Variants in CNTNAP2 observed in about 807,000 individuals in gnomAD.
CNTNAP2 encodes the protein contactin associated protein 2.
In CNTNAP2, 98 loss-of-function variants were observed where a neutral mutation model predicts 155.2. That is an observed-to-expected ratio of 0.63 (90% confidence interval 0.54 to 0.75). CNTNAP2 has a LOEUF of 0.75. CNTNAP2 is among the 30% of genes least tolerant of loss of function. The probability of loss-of-function intolerance (pLI) is 0.00; values close to 1 mark genes in which losing one functional copy is unlikely to be tolerated. For missense variants in CNTNAP2, 1,727 were observed against 1,688.1 expected, an observed-to-expected ratio of 1.02 and a Z score of -0.40; for synonymous variants, 651 against 631.2, an observed-to-expected ratio of 1.03 and a Z score of -0.47.
At chr7:147,830,305 AT>A (rs1352354216) in intron 13 of CNTNAP2, among the ~76,000 whole-genome samples, 1 of 151,920 alleles carries the variant, frequency 6.6e-6, no homozygotes, top group Non-Finnish European at 1.5e-5. Context: ...CTGTTCATAG[AT>A]GGCTCTTTCT....
At chr7:146,288,793 ATTTTTTTTTTTT>A (rs757136036) in intron 1 of CNTNAP2, among the ~76,000 whole-genome samples, 33 of 100,014 alleles carry the variant, frequency 3.3e-4, no homozygotes, top group African/African-American at 3.2e-4. Context: ...AAAATTAGTA[ATTTTTTTTTTTT>A]TTTTTTTTTT....
intron 1 of CNTNAP2, among the ~76,000 whole-genome samples, chr7:146,635,678 T>A (rs915029521): frequency 3.9e-5 from 6 of 152,166 alleles, no homozygotes; most frequent in African/African-American, 1.4e-4. Flanking sequence ...AAAGCCCGTA[T>A]GCTCCAGGAA....
chr7:147,461,220 A>G (rs1250249557), intron 10 of CNTNAP2, among the ~76,000 whole-genome samples: 2 of 152,240 alleles, frequency 1.3e-5, no homozygotes, highest in Non-Finnish European at 2.9e-5. Context: ...ATATTTGCCA[A>G]TAAACTCAAG....
chr7:146,382,924 T>C (rs1584899232), intron 1 of CNTNAP2, among the ~76,000 whole-genome samples: 1 of 152,144 alleles, frequency 6.6e-6, no homozygotes, highest in African/African-American at 2.4e-5. Context: ...CTTTGAAAAT[T>C]AACTCCCAAT....
At chr7:146,569,412 T>A (rs535431436) in intron 1 of CNTNAP2, among the ~76,000 whole-genome samples, 1 of 152,340 alleles carries the variant, frequency 6.6e-6, no homozygotes, top group East Asian at 1.9e-4. Context: ...CCATGCCCAA[T>A]TACATATATT....
intron 14 of CNTNAP2, among the ~76,000 whole-genome samples, chr7:147,959,093 T>C (rs1031650846): frequency 3.3e-5 from 5 of 152,204 alleles, no homozygotes; most frequent in African/African-American, 1.2e-4. Context: ...CTGTTGAGAC[T>C]TGTATTTCTC....
chr7:147,451,840 TG>T (rs570284234), intron 10 of CNTNAP2, among the ~76,000 whole-genome samples: 174 of 151,776 alleles, frequency 1.1e-3, no homozygotes, highest in African/African-American at 4.2e-3. Context: ...CTTTAAAAAG[TG>T]ACTGGGTCAT....
chr7:148,321,980 T>C (rs1797796611), intron 21 of CNTNAP2, among the ~76,000 whole-genome samples: 1 of 151,578 alleles, frequency 6.6e-6, no homozygotes. Context: ...CTCAGCTCAC[T>C]GCAACCTCCA....
rs1381489032 is a variant in CNTNAP2, at chr7:146,522,815, C to T, written c.98-251456C>T. On this transcript the variant is annotated intron_variant, in intron 1 of 23. Coordinates refer to ENST00000361727, the MANE Select transcript of CNTNAP2 (RefSeq NM_014141.6). ...AATAATATCTATTATAATTATAATC[C>T]CATAATTTTTTCTTATCTCTGGTAA... is the stretch of plus-strand genomic sequence containing the variant. Among the ~76,000 whole-genome samples the T allele has an allele frequency of 3.3e-5, 5 of 149,878 alleles. No individual in the cohort carries two copies. In the East Asian group the frequency reaches 7.9e-4, roughly 24 times the overall value.
At chr7:146,413,240 C>T (rs1413644605) in intron 1 of CNTNAP2, among the ~76,000 whole-genome samples, 1 of 152,118 alleles carries the variant, frequency 6.6e-6, no homozygotes, top group Non-Finnish European at 1.5e-5. Context: ...ATGGTCCAGC[C>T]TCATGAGAGA....
chr7:146,505,975 A>G (rs948913640), intron 1 of CNTNAP2, among the ~76,000 whole-genome samples: 2 of 152,318 alleles, frequency 1.3e-5, no homozygotes, highest in Non-Finnish European at 2.9e-5. Flanking sequence ...GGAGTCCCTT[A>G]TATCACTCAA....
chr7:147,230,274 T>A (rs1158256236), intron 8 of CNTNAP2, among the ~76,000 whole-genome samples: 7 of 152,142 alleles, frequency 4.6e-5, no homozygotes, highest in South Asian at 4.1e-4. Context: ...TTATTTATTT[T>A]TTGAGACAGA....
chr7:147,209,109 C>T (rs1327335789), intron 8 of CNTNAP2, among the ~76,000 whole-genome samples: 1 of 151,958 alleles, frequency 6.6e-6, no homozygotes, highest in Non-Finnish European at 1.5e-5. Context: ...GAATTGTTTT[C>T]TAATTCTGTG....
At chr7:146,447,256 T>C (rs139386809) in intron 1 of CNTNAP2, among the ~76,000 whole-genome samples, 1 of 152,174 alleles carries the variant, frequency 6.6e-6, no homozygotes, top group East Asian at 1.9e-4. Flanking sequence ...CACAGCACAG[T>C]TATGCCAAGA....
At chr7:146,830,246 C>T (rs558705565) in intron 2 of CNTNAP2, among the ~76,000 whole-genome samples, 11 of 152,206 alleles carry the variant, frequency 7.2e-5, no homozygotes, top group South Asian at 2.1e-4. Flanking sequence ...TTGATCTACA[C>T]GTTTTGACCT....
rs907394548 is a variant in CNTNAP2, at chr7:147,181,512, G to A, written c.1348+49003G>A. Among the ~76,000 whole-genome samples the A allele has an allele frequency of 3.9e-5, 6 of 152,144 alleles. No homozygotes were observed. In the East Asian group the frequency reaches 7.7e-4, roughly 20 times the overall value. ...AAACTAAGTATTACCTTTAATATTT[G>A]TAAACTTTCATAACCTATCACTGAT... On this transcript the variant is annotated intron_variant, in intron 8 of 23. Transcript: ENST00000361727.
chr7:146,175,324 G>T (rs1011145093), intron 1 of CNTNAP2, among the ~76,000 whole-genome samples: 9 of 152,326 alleles, frequency 5.9e-5, no homozygotes, highest in African/African-American at 2.2e-4. Flanking sequence ...AGAAGGCTAA[G>T]AGGCAGTTTT....
chr7:147,689,600 T>C (rs1796060623), intron 13 of CNTNAP2, among the ~76,000 whole-genome samples: 1 of 152,204 alleles, frequency 6.6e-6, no homozygotes, highest in African/African-American at 2.4e-5. Flanking sequence ...CGTTATTATA[T>C]ACTGATCAAA....
chr7:148,222,289 T>C (rs1166099333), intron 19 of CNTNAP2, among the ~76,000 whole-genome samples: 1 of 152,266 alleles, frequency 6.6e-6, no homozygotes, highest in East Asian at 1.9e-4. Context: ...TTATTTCTTA[T>C]AGTTATGGAG....
Sources: allele counts gnomAD v4.1 joint callset (sites outside exome capture counted in the v4.1 genomes callset), GRCh38; gene constraint gnomAD v4.1.1; transcripts MANE v1.5; gene names NCBI Gene and HGNC (gene_info 2026-07-23, HGNC 2026-07-21).